ITGB3BP: variants seen among roughly 807,000 people sequenced by gnomAD.
ITGB3BP encodes the protein centromere protein R.
ITGB3BP carries 27 observed loss-of-function variants against 29.1 expected under a neutral mutation model. That is an observed-to-expected ratio of 0.93 (90% CI 0.68 to 1.28). The LOEUF (loss-of-function observed/expected upper bound fraction) is 1.28. Among genes scored for constraint, ITGB3BP ranks in the 50% most tolerant of loss-of-function variants. The probability of loss-of-function intolerance (pLI) is 0.00; values close to 1 mark genes in which losing one functional copy is unlikely to be tolerated. For synonymous variants in ITGB3BP, 61 were observed against 61.4 expected (o/e 0.99, Z 0.03); for missense variants, 192 against 200.2 (o/e 0.96, Z 0.25).
At chr1:63,441,857 G>A (rs1644734635) in intron 8 of ITGB3BP, among the ~76,000 whole-genome samples, 1 of 152,158 alleles carries the variant, frequency 6.6e-6, no homozygotes, top group Non-Finnish European at 1.5e-5. Context: ...GAATCCTTCT[G>A]TGAGAGAAAG....
chr1:63,452,717 C>A (rs1057815), intron 7 of ITGB3BP, among the ~76,000 whole-genome samples: 1 of 151,596 alleles, frequency 6.6e-6, no homozygotes, highest in Non-Finnish European at 1.5e-5. Flanking sequence ...TCACAGTAGA[C>A]GTTAGTTGTT....
intron 4 of ITGB3BP, chr1:63,457,274 T>C (rs921137159): frequency 3.3e-5 from 5 of 152,186 alleles, no homozygotes; most frequent in African/African-American, 1.2e-4. Context: ...TTCATAATCT[T>C]TGGAGATAAA....
chr1:63,487,663 T>A (rs1645557495), intron 3 of ITGB3BP, among the ~76,000 whole-genome samples: 1 of 152,106 alleles, frequency 6.6e-6, no homozygotes. Context: ...TCTAAACATA[T>A]CTAAACATAA....
chr1:63,513,244 C>T (rs1646240190), intron 1 of ITGB3BP, among the ~76,000 whole-genome samples: 1 of 152,162 alleles, frequency 6.6e-6, no homozygotes, highest in Non-Finnish European at 1.5e-5. Flanking sequence ...AAAAGCCTTT[C>T]AGTTCTCCTT....
At chr1:63,527,679 T>A (rs537812937), upstream of ITGB3BP, among the ~76,000 whole-genome samples, 2 of 152,322 alleles carry the variant, frequency 1.3e-5, no homozygotes, top group African/African-American at 4.8e-5. Flanking sequence ...AGATTAAAGT[T>A]AGTAGGAAAT....
chr1:63,441,436 CTA>C (rs200302686), intron 8 of ITGB3BP, among the ~76,000 whole-genome samples: 5,640 of 152,160 alleles, frequency 0.037, 379 homozygotes, highest in African/African-American at 0.13. Flanking sequence ...CGGGGTTTCA[CTA>C]TGTTGGCCAG....
At chr1:63,525,629 A>T, upstream of ITGB3BP, 1 of 1,598,184 alleles carries the variant, frequency 6.3e-7, no homozygotes, top group Admixed American at 1.8e-5. Context: ...CAACACCTTC[A>T]GAGAGTCCTC....
chr1:63,468,463 C>G (rs1645137496), intron 4 of ITGB3BP, among the ~76,000 whole-genome samples: 1 of 152,130 alleles, frequency 6.6e-6, no homozygotes, highest in Admixed American at 6.5e-5. Context: ...CACGGTGGCT[C>G]ACGCCTGTAA....
intron 7 of ITGB3BP, among the ~76,000 whole-genome samples, chr1:63,448,469 G>A (rs1322872043): frequency 1.3e-5 from 2 of 152,000 alleles, no homozygotes; most frequent in Non-Finnish European, 2.9e-5. Context: ...TCTTATCTGA[G>A]GTCTGAACTG....
At chr1:63,471,793 CT>C (rs917449751) in intron 4 of ITGB3BP, among the ~76,000 whole-genome samples, 1 of 150,778 alleles carries the variant, frequency 6.6e-6, no homozygotes. Flanking sequence ...TTAAATAACT[CT>C]TTTTTTTTGA....
intron 1 of ITGB3BP, among the ~76,000 whole-genome samples, chr1:63,511,682 C>T (rs1646202740): frequency 6.6e-6 from 1 of 152,000 alleles, no homozygotes; most frequent in South Asian, 2.1e-4. Flanking sequence ...TAAAATAAGC[C>T]AGTCACAAAA....
chr1:63,450,939 A>G (rs1270455557), intron 7 of ITGB3BP, among the ~76,000 whole-genome samples: 3 of 151,882 alleles, frequency 2.0e-5, no homozygotes, highest in Non-Finnish European at 4.4e-5. Flanking sequence ...TTTCTCTTGA[A>G]TAAGTTATAT....
rs1380067600 is a variant in ITGB3BP, at chr1:63,454,263, G to A, written c.427+117C>T. On this transcript the variant is annotated intron_variant, in intron 6 of 8. Coordinates refer to ENST00000271002, the MANE Select transcript of ITGB3BP (RefSeq NM_014288.5). The surrounding 1 kb of genome is among the most constrained non-coding windows in gnomAD (Gnocchi z 4.1). Reference sequence around the variant, plus strand: ...GGCTTCTTATTTAAAGAAGGTAATAGTATTTTTATCACATGTCCAGTAATG... The same window carrying A: ...GGCTTCTTATTTAAAGAAGGTAATAATATTTTTATCACATGTCCAGTAATG... The A allele has an allele frequency of 5.9e-6, 3 of 506,136 alleles. No individual in the cohort carries two copies. The highest frequency in any genetic ancestry group is 3.5e-6 in the Non-Finnish European group (1 of 283,882). 31.4% of individuals were successfully genotyped at this position (506,136 alleles called of 1,614,324 possible).
At chr1:63,477,918 C>A (rs1476309188) in intron 4 of ITGB3BP, among the ~76,000 whole-genome samples, 2 of 152,058 alleles carry the variant, frequency 1.3e-5, no homozygotes, top group African/African-American at 4.8e-5. Context: ...TACAGCTGTC[C>A]CTCAATATCT....
chr1:63,442,018 G>A (rs1395232491), intron 8 of ITGB3BP, among the ~76,000 whole-genome samples: 1 of 152,180 alleles, frequency 6.6e-6, no homozygotes, highest in Non-Finnish European at 1.5e-5. Flanking sequence ...GAGCCCAGGA[G>A]GTCAAGGATG....
chr1:63,483,387 C>T (rs1645473562), intron 3 of ITGB3BP, among the ~76,000 whole-genome samples: 2 of 152,022 alleles, frequency 1.3e-5, no homozygotes. Context: ...GATTGCTCAT[C>T]ACAGGTTTAA....
intron 3 of ITGB3BP, among the ~76,000 whole-genome samples, chr1:63,483,597 G>A (rs1379099571): frequency 6.6e-6 from 1 of 151,928 alleles, no homozygotes; most frequent in Non-Finnish European, 1.5e-5. Flanking sequence ...TTCTACTTTG[G>A]GGGGTTCATT....
chr1:63,489,125 G>C (rs968642516), intron 3 of ITGB3BP, among the ~76,000 whole-genome samples: 5 of 151,826 alleles, frequency 3.3e-5, no homozygotes, highest in African/African-American at 1.2e-4. Flanking sequence ...TAGGGAAAGA[G>C]AACCTAATAG....
intron 1 of ITGB3BP, chr1:63,510,188 C>CAAA (rs67405755): frequency 3.1e-5 from 13 of 420,848 alleles, no homozygotes; most frequent in South Asian, 4.2e-5. Context: ...AAAACTGTCT[C>CAAA]AAAAAAAAAA....
Sources: allele counts gnomAD v4.1 joint callset (sites outside exome capture counted in the v4.1 genomes callset), GRCh38; gene constraint gnomAD v4.1.1; non-coding constraint Gnocchi (gnomAD v3.1); transcripts MANE v1.5; gene names NCBI Gene and HGNC (gene_info 2026-07-23, HGNC 2026-07-21).